Variants in MARCHF1 observed in about 807,000 individuals in gnomAD.
The protein encoded by MARCHF1 is membrane associated ring-CH-type finger 1.
A neutral mutation model predicts 54.2 loss-of-function variants in MARCHF1; 40 were observed. That is an observed-to-expected ratio of 0.74 (90% CI 0.57 to 0.96). MARCHF1 has a LOEUF of 0.96. Among genes scored for constraint, MARCHF1 ranks in the 40% least tolerant of loss-of-function variants. The pLI is 0.00. For synonymous variants in MARCHF1, 236 were observed against 236.3 expected, an observed-to-expected ratio of 1.00 and a Z score of 0.01; for missense variants, 586 against 656.5, an observed-to-expected ratio of 0.89 and a Z score of 1.17.
intron 1 of MARCHF1, among the ~76,000 whole-genome samples, chr4:164,222,851 C>T (rs888094945): frequency 6.6e-6 from 1 of 151,958 alleles, no homozygotes; most frequent in Non-Finnish European, 1.5e-5. Flanking sequence ...GTATATTAGT[C>T]TGTTCTCACT....
chr4:164,126,401 A>G (rs1051564549), intron 1 of MARCHF1, among the ~76,000 whole-genome samples: 2 of 152,184 alleles, frequency 1.3e-5, no homozygotes, highest in African/African-American at 4.8e-5. Flanking sequence ...AGTCTCCAGA[A>G]CTGTGAGGAA....
At chr4:163,758,545 G>A (rs1746742932) in intron 4 of MARCHF1, among the ~76,000 whole-genome samples, 1 of 152,168 alleles carries the variant, frequency 6.6e-6, no homozygotes, top group African/African-American at 2.4e-5. Context: ...GTGTTTAGCT[G>A]TCTTTTCCAT....
intron 8 of MARCHF1, among the ~76,000 whole-genome samples, chr4:163,570,466 T>G (rs1739806689): frequency 6.6e-6 from 1 of 152,094 alleles, no homozygotes; most frequent in African/African-American, 2.4e-5. Context: ...GAAATAAAAC[T>G]CTTAGGTTAC....
At chr4:164,019,127 G>GCC (rs1753608189) in intron 2 of MARCHF1, among the ~76,000 whole-genome samples, 1 of 152,164 alleles carries the variant, frequency 6.6e-6, no homozygotes, top group African/African-American at 2.4e-5. Context: ...AATGAAGAGT[G>GCC]CCAGGTGAGT....
chr4:164,255,742 T>C (rs1244598737), intron 1 of MARCHF1, among the ~76,000 whole-genome samples: 1 of 152,090 alleles, frequency 6.6e-6, no homozygotes, highest in Non-Finnish European at 1.5e-5. Context: ...CCTTGTAGAA[T>C]AGCCTAAAAT....
intron 5 of MARCHF1, among the ~76,000 whole-genome samples, chr4:163,635,827 T>C (rs536116548): frequency 2.6e-5 from 4 of 152,278 alleles, no homozygotes; most frequent in Admixed American, 6.5e-5. Context: ...CTGATGAACA[T>C]TGATGCAAAA....
intron 1 of MARCHF1, among the ~76,000 whole-genome samples, chr4:164,130,397 C>G (rs1337232989): frequency 1.3e-5 from 2 of 152,034 alleles, no homozygotes; most frequent in Non-Finnish European, 1.5e-5. Context: ...GAAGAAAGGA[C>G]AGATTATTCA....
intron 8 of MARCHF1, among the ~76,000 whole-genome samples, chr4:163,560,559 T>C (rs1413777397): frequency 6.6e-6 from 1 of 152,198 alleles, no homozygotes; most frequent in African/African-American, 2.4e-5. Flanking sequence ...TTTTAAAAAT[T>C]CATGCTGTGA....
At chr4:164,107,068 A>G (rs1263828546) in intron 2 of MARCHF1, among the ~76,000 whole-genome samples, 5 of 152,214 alleles carry the variant, frequency 3.3e-5, no homozygotes, top group Admixed American at 1.3e-4. Flanking sequence ...CTCTTGATGA[A>G]CTGCTATCCT....
At chr4:164,039,121 G>C (rs1417171832) in intron 2 of MARCHF1, among the ~76,000 whole-genome samples, 1 of 152,088 alleles carries the variant, frequency 6.6e-6, no homozygotes, top group African/African-American at 2.4e-5. Context: ...ATAGATTAGG[G>C]AGTAAAATAA....
At chr4:163,649,680 C>G (rs17611679) in intron 5 of MARCHF1, among the ~76,000 whole-genome samples, 10,072 of 151,994 alleles carry the variant, frequency 0.066, 685 homozygotes, top group East Asian at 0.23. Flanking sequence ...CCGCATGGGA[C>G]TTTTTCTCAA....
At chr4:163,950,660 T>C (rs1031723426) in intron 3 of MARCHF1, among the ~76,000 whole-genome samples, 1 of 152,228 alleles carries the variant, frequency 6.6e-6, no homozygotes, top group Non-Finnish European at 1.5e-5. Flanking sequence ...CCTCCGCGAC[T>C]GCAGCCAGCG....
At chr4:164,144,116 G>T (rs1011468057) in intron 1 of MARCHF1, among the ~76,000 whole-genome samples, 1 of 151,932 alleles carries the variant, frequency 6.6e-6, no homozygotes, top group Non-Finnish European at 1.5e-5. Context: ...AACAAGAAGA[G>T]CTAACTATCC....
At chr4:163,741,622 T>C (rs1746199508) in intron 4 of MARCHF1, among the ~76,000 whole-genome samples, 1 of 151,988 alleles carries the variant, frequency 6.6e-6, no homozygotes, top group Admixed American at 6.6e-5. Flanking sequence ...TATCAGCGTG[T>C]TTAAGCAACT....
At chr4:163,554,363 T>C (rs186264595) in intron 8 of MARCHF1, among the ~76,000 whole-genome samples, 76 of 152,242 alleles carry the variant, frequency 5.0e-4, no homozygotes, top group African/African-American at 1.8e-3. Context: ...GCAAAGGTAT[T>C]AGTAGAGTCA....
Position 163,840,977 on chromosome 4 carries a change from T to A in MARCHF1, c.111+13044A>T, listed in dbSNP as rs535287496. Among the ~76,000 whole-genome samples the A allele has an allele frequency of 6.7e-3, 1,021 of 152,022 alleles. 7 individuals carry two copies. The highest frequency in any genetic ancestry group is 0.029 in the South Asian group (138 of 4,818). On this transcript the variant is annotated intron_variant, in intron 4 of 9. Transcript: ENST00000514618. ...GAAAGCATTTTTATGAGCAATTTTTTAAAAAAAATCTCTGTACTGCATTTA... is the reference window on the plus strand; with the variant it reads ...GAAAGCATTTTTATGAGCAATTTTTAAAAAAAAATCTCTGTACTGCATTTA...
chr4:163,887,889 G>T (rs898416615), intron 3 of MARCHF1, among the ~76,000 whole-genome samples: 1 of 152,068 alleles, frequency 6.6e-6, no homozygotes, highest in South Asian at 2.1e-4. Flanking sequence ...CTTCTTAGGG[G>T]CAATAACTCA....
chr4:163,651,038 C>G (rs1199341084), intron 5 of MARCHF1, among the ~76,000 whole-genome samples: 1 of 151,872 alleles, frequency 6.6e-6, no homozygotes, highest in Non-Finnish European at 1.5e-5. Flanking sequence ...AACAGTATCC[C>G]AGTCTGACAC....
intron 1 of MARCHF1, among the ~76,000 whole-genome samples, chr4:164,122,049 C>T (rs2110778080): frequency 1.3e-5 from 2 of 152,194 alleles, no homozygotes; most frequent in Admixed American, 1.3e-4. Flanking sequence ...ATACACAAAT[C>T]AATCAATGTG....
Sources: gnomAD v4.1 joint callset for allele counts (sites outside exome capture counted in the v4.1 genomes callset) on GRCh38, gnomAD v4.1.1 for gene constraint, MANE v1.5 for transcripts, NCBI Gene and HGNC (gene_info 2026-07-23, HGNC 2026-07-21) for gene names.